PHF24: variants seen among roughly 807,000 people sequenced by gnomAD.
The protein encoded by PHF24 is Galpha inhibitory interacting protein.
In PHF24, 25 loss-of-function variants were observed where a neutral mutation model predicts 42.6. The observed-to-expected ratio is 0.59, with a 90% confidence interval of 0.43 to 0.82. PHF24 has a LOEUF of 0.82. Ranked by LOEUF, PHF24 falls within the 40% of genes least tolerant of loss-of-function variation. The pLI is 0.00. For synonymous variants in PHF24, 185 were observed against 204.8 expected, an observed-to-expected ratio of 0.90 and a Z score of 0.83; for missense variants, 470 against 538.1, an observed-to-expected ratio of 0.87 and a Z score of 1.25.
At chr9:34,952,460 G>A in the PHF24 span, among the ~76,000 whole-genome samples, 2 of 152,158 alleles carry the variant, frequency 1.3e-5, no homozygotes, top group African/African-American at 4.8e-5. Context: ...TAAAGATTTA[G>A]CGCAGTGCCA....
exon 8 of PHF24, chr9:34,979,930 C>T (rs531779434): frequency 1.3e-5 from 2 of 152,352 alleles, no homozygotes; most frequent in Non-Finnish European, 2.9e-5. Flanking sequence ...CTAGTCAAAA[C>T]AAGAAAGCGC....
At chr9:34,715,542 G>A in the PHF24 span, among the ~76,000 whole-genome samples, 1 of 152,156 alleles carries the variant, frequency 6.6e-6, no homozygotes, top group African/African-American at 2.4e-5. Flanking sequence ...TCCGAGATGT[G>A]GGTCTCCACC....
the PHF24 span, among the ~76,000 whole-genome samples, chr9:34,678,793 G>T: frequency 6.6e-6 from 1 of 152,004 alleles, no homozygotes; most frequent in Non-Finnish European, 1.5e-5. Flanking sequence ...ACCATGCCCG[G>T]CTAATTTTTG....
chr9:34,955,060 G>T (rs1007138188), upstream of PHF24, among the ~76,000 whole-genome samples: 1 of 152,210 alleles, frequency 6.6e-6, no homozygotes, highest in African/African-American at 2.4e-5. Context: ...GGAGGTGAAA[G>T]ATTGTTTCTT....
chr9:34,772,669 C>A, the PHF24 span, among the ~76,000 whole-genome samples: 4 of 152,142 alleles, frequency 2.6e-5, no homozygotes, highest in African/African-American at 9.7e-5. Flanking sequence ...AAAAAGGAAT[C>A]CTCACTGAAC....
the PHF24 span, among the ~76,000 whole-genome samples, chr9:34,697,309 A>G: frequency 6.6e-6 from 1 of 152,088 alleles, no homozygotes; most frequent in Non-Finnish European, 1.5e-5. Context: ...AGGATGTTTC[A>G]TGTTTCACAT....
chr9:34,973,262 T>G (rs952994117), intron 3 of PHF24, among the ~76,000 whole-genome samples: 3 of 152,172 alleles, frequency 2.0e-5, no homozygotes, highest in African/African-American at 7.2e-5. Flanking sequence ...CCTAACCAGC[T>G]TGCTTCCAGT....
chr9:34,728,109 T>C, the PHF24 span: 97 of 1,548,134 alleles, frequency 6.3e-5, no homozygotes, highest in African/African-American at 9.7e-4. Context: ...CAGTGTTATA[T>C]GGCATGGGAT....
chr9:34,893,430 G>A, the PHF24 span, among the ~76,000 whole-genome samples: 3 of 151,432 alleles, frequency 2.0e-5, no homozygotes, highest in Non-Finnish European at 4.4e-5. Context: ...GTGAAACCCC[G>A]TCTCTACTAA....
At chr9:34,902,420 A>G in the PHF24 span, among the ~76,000 whole-genome samples, 1 of 152,310 alleles carries the variant, frequency 6.6e-6, no homozygotes, top group Non-Finnish European at 1.5e-5. Flanking sequence ...AGGATGAGGC[A>G]GGAGGATGAC....
the PHF24 span, among the ~76,000 whole-genome samples, chr9:34,676,645 A>G: frequency 2.0e-5 from 3 of 152,346 alleles, no homozygotes; most frequent in African/African-American, 7.2e-5. Flanking sequence ...TTATAAAGAA[A>G]TACCTGAAAC....
the PHF24 span, among the ~76,000 whole-genome samples, chr9:34,770,638 T>C: frequency 6.6e-6 from 1 of 152,040 alleles, no homozygotes; most frequent in Admixed American, 6.6e-5. Context: ...GCCTATATTT[T>C]ATACAAAAAA....
chr9:34,832,539 G>C, the PHF24 span: 27,657 of 1,528,544 alleles, frequency 0.018, 492 homozygotes, highest in African/African-American at 0.06. Flanking sequence ...CTTGGCTGGA[G>C]CCAGGCTCTT....
At chr9:34,823,771 T>C in the PHF24 span, among the ~76,000 whole-genome samples, 1 of 152,144 alleles carries the variant, frequency 6.6e-6, no homozygotes, top group Non-Finnish European at 1.5e-5. Flanking sequence ...TGGGCGAACC[T>C]GGAAGCTTGA....
At chr9:34,851,831 AT>A in the PHF24 span, among the ~76,000 whole-genome samples, 4 of 152,190 alleles carry the variant, frequency 2.6e-5, no homozygotes, top group African/African-American at 9.7e-5. Flanking sequence ...CCTAATTTAT[AT>A]TTTTTATGTC....
the PHF24 span, among the ~76,000 whole-genome samples, chr9:34,916,960 T>G: frequency 6.6e-6 from 1 of 152,158 alleles, no homozygotes; most frequent in African/African-American, 2.4e-5. Context: ...ATTTTGAAAA[T>G]TTTTGAATGT....
the PHF24 span, among the ~76,000 whole-genome samples, chr9:34,882,442 A>G: frequency 6.6e-6 from 1 of 152,218 alleles, no homozygotes; most frequent in Admixed American, 6.5e-5. Context: ...TGCAGATGAC[A>G]TGATTGTATA....
At chr9:34,915,995 G>A in the PHF24 span, among the ~76,000 whole-genome samples, 1 of 152,032 alleles carries the variant, frequency 6.6e-6, no homozygotes, top group Non-Finnish European at 1.5e-5. Flanking sequence ...GTTTTATAAG[G>A]GGCTTCTGCC....
intron 3 of PHF24, 51 bp downstream of exon 3, chr9:34,972,582 C>A (rs1563933695): frequency 6.6e-7 from 1 of 1,519,066 alleles, no homozygotes; most frequent in Non-Finnish European, 8.9e-7. Flanking sequence ...TTCCTGGAGG[C>A]CCGGTCTTAG....
Sources: gnomAD v4.1 joint callset for allele counts (sites outside exome capture counted in the v4.1 genomes callset) on GRCh38, gnomAD v4.1.1 for gene constraint, MANE v1.5 for transcripts, NCBI Gene and HGNC (gene_info 2026-07-23, HGNC 2026-07-21) for gene names.